The following ANKS3 variants were observed in gnomAD, a reference collection of about 807,000 sequenced individuals.
ANKS3 encodes the protein ankyrin repeat and sterile alpha motif domain containing 3.
A neutral mutation model predicts 80.7 loss-of-function variants in ANKS3; 62 were observed. That is an observed-to-expected ratio of 0.77 (90% CI 0.63 to 0.95). ANKS3 has a LOEUF of 0.95. ANKS3 is among the 40% of genes least tolerant of loss of function. The pLI is 0.00. For missense variants in ANKS3, 1,150 were observed against 883.6 expected (o/e 1.30, Z -3.82); for synonymous variants, 489 against 355.3 (o/e 1.38, Z -4.23).
Position 4,699,100 on chromosome 16 carries a change from C to G in ANKS3, c.1361G>C (p.Arg454Pro), listed in dbSNP as rs138763631. ...GCTCTCAGTGAGGGTCAGAAAGATG[C>G]GGAGGTCCACGTCCTGCTCCTCAAA... Reference protein sequence around the residue: ...QVFEEQDVDLRIFLTLTESDL... With the variant: ...QVFEEQDVDLPIFLTLTESDL... The change falls in exon 12 of 18, where the codon CGC (arginine) becomes CCC (proline). Residue 454 changes from arginine (R) to proline (P), a missense_variant. Coordinates refer to ENST00000304283, the MANE Select transcript of ANKS3 (RefSeq NM_133450.4). 5.0e-6 allele frequency: 8 copies of G among 1,614,134 alleles called. No individual in the cohort carries two copies. The highest frequency in any genetic ancestry group is 6.8e-6 in the Non-Finnish European group (8 of 1,180,042).
chr16:4,719,674 C>T (rs1395651092), intron 6 of ANKS3, among the ~76,000 whole-genome samples: 4 of 151,664 alleles, frequency 2.6e-5, no homozygotes, highest in African/African-American at 9.7e-5. Context: ...TAGTGCGTGC[C>T]TGTAGTCCCA....
intron 11 of ANKS3, chr16:4,699,687 G>GT (rs1310826199): frequency 6.0e-6 from 1 of 167,934 alleles, no homozygotes; most frequent in African/African-American, 2.4e-5. Context: ...GAATGCCACT[G>GT]TATGGGGTGG....
In ANKS3 at chr16:4,703,795, C is replaced by A. The variant is rs558441940; in HGVS notation, c.868+1300G>T. On this transcript the variant is annotated intron_variant, in intron 8 of 17. Transcript: ENST00000304283. Reference sequence around the variant, plus strand: ...CAAGGTATGAGAAAACAAAAATCCCCTGAAATACCACACCTGAGACCACCA... The same window carrying A: ...CAAGGTATGAGAAAACAAAAATCCCATGAAATACCACACCTGAGACCACCA... Among the ~76,000 whole-genome samples, 9 of 152,284 alleles carry A rather than the reference C, an allele frequency of 5.9e-5. No homozygotes were observed. In the South Asian group the frequency reaches 1.9e-3, roughly 32 times the overall value.
intron 2 of ANKS3, among the ~76,000 whole-genome samples, chr16:4,731,192 T>C (rs1329237264): frequency 2.6e-5 from 4 of 152,202 alleles, no homozygotes; most frequent in Non-Finnish European, 4.4e-5. Flanking sequence ...TGGGGGACGA[T>C]AGACCTGTAT....
At chr16:4,713,924 G>C in intron 7 of ANKS3, 127 bp downstream of exon 7, 1 of 1,321,632 alleles carries the variant, frequency 7.6e-7, no homozygotes, top group Non-Finnish European at 1.0e-6. Context: ...AAGCAGCTGG[G>C]GGAGGCAGAG....
At position 4,727,106 on chromosome 16, in the gene ANKS3, T is replaced by C; in HGVS notation, c.242A>G (p.His81Arg). The change falls in exon 4 of 18, where the codon CAC (histidine) becomes CGC (arginine). Residue 81 changes from histidine (H) to arginine (R), a missense_variant. His to Arg is a conservative substitution (Grantham distance 29). Coordinates refer to ENST00000304283, the MANE Select transcript of ANKS3 (RefSeq NM_133450.4). The part of the protein sequence containing the change: ...TPLMYASYIG[H>R]DTIVHLLLEA... The stretch of plus-strand genomic sequence containing the variant: ...AAGCAGCAGGTGCACGATTGTGTCG[T>C]GGCCAATGTAGGAGGCATACATCAG... 7 of 1,614,206 alleles carry C rather than the reference T, an allele frequency of 4.3e-6. No homozygotes were observed. Among genetic ancestry groups the C allele is most frequent in the Non-Finnish European group, 5.9e-6 (7 of 1,180,034 alleles).
In ANKS3 at chr16:4,702,241, C is replaced by T. The variant is rs1460095547; in HGVS notation, c.870G>A (p.Glu290=). Residue 290 remains glutamate, a splice_region_variant and synonymous_variant, in exon 9 of 18, where the codon GAG becomes GAA. Coordinates refer to ENST00000304283, the MANE Select transcript of ANKS3 (RefSeq NM_133450.4). ...LGGRAPRPRY[E]QAPPRGYVTF... Reference sequence around the variant, plus strand: ...TGACATAGCCACGGGGAGGAGCCTGCTCTGTGTACAGAATGGGGCCCATAA... The same window carrying T: ...TGACATAGCCACGGGGAGGAGCCTGTTCTGTGTACAGAATGGGGCCCATAA... The T allele has an allele frequency of 1.3e-6, 2 of 1,567,292 alleles. No homozygotes were observed. The highest frequency in any genetic ancestry group is 2.3e-5 in the South Asian group (2 of 85,982).
rs368187807 is a variant in ANKS3 at position 4,727,218 on chromosome 16, C to T, written c.171-41G>A. The T allele has an allele frequency of 1.1e-4, 169 of 1,601,626 alleles. 3 individuals are homozygous for T. The South Asian group carries it at 1.6e-3, about 15-fold the overall frequency. On this transcript the variant is annotated intron_variant, in intron 3 of 17. Transcript: ENST00000304283. The stretch of plus-strand genomic sequence containing the variant: ...ATATGCTAGACATGGCCAGCCGCCT[C>T]GCATGTGGGGTTCACCAAAGCTGGT...
chr16:4,727,477 G>A (rs1410061948), intron 3 of ANKS3: 2 of 465,850 alleles, frequency 4.3e-6, no homozygotes, highest in Middle Eastern at 6.3e-4. Flanking sequence ...CAGGGAATAT[G>A]TGGCAATGTG....
chr16:4,714,137 A>T lies in ANKS3; in HGVS notation c.623T>A (p.Leu208Gln). 6.2e-7 allele frequency: 1 copy of T among 1,614,136 alleles called. No individual in the cohort carries two copies. ...CTTCATGTGTCCGTACTGCTTGGCC[A>T]GCATCCGGGCTGTGGCTCCACTGTG... is the stretch of plus-strand genomic sequence containing the variant. ...RDHSGATARMLAKQYGHMKIV... is the reference protein window; with the variant it reads ...RDHSGATARMQAKQYGHMKIV... Residue 208 changes from leucine to glutamine, a missense_variant, in exon 7 of 18, where the codon CTG becomes CAG. Leu to Gln is a moderately radical substitution (Grantham distance 113). Coordinates refer to ENST00000304283, the MANE Select transcript of ANKS3 (RefSeq NM_133450.4).
chr16:4,733,202 C>CAAAAAA (rs56944690), intron 1 of ANKS3, among the ~76,000 whole-genome samples: 20 of 70,456 alleles, frequency 2.8e-4, no homozygotes, highest in African/African-American at 4.1e-4. Flanking sequence ...GACTCCGTCT[C>CAAAAAA]AAAAAAAAAA....
At chr16:4,707,698 A>C (rs2080271403) in intron 7 of ANKS3, among the ~76,000 whole-genome samples, 2 of 152,248 alleles carry the variant, frequency 1.3e-5, no homozygotes, top group South Asian at 4.1e-4. Context: ...CTAATAGGTA[A>C]TTTTGTAGAA....
chr16:4,713,472 A>G (rs1485496405), intron 7 of ANKS3, among the ~76,000 whole-genome samples: 1 of 152,198 alleles, frequency 6.6e-6, no homozygotes, highest in Non-Finnish European at 1.5e-5. Context: ...ATATAATGAT[A>G]GGGAAAACCC....
At chr16:4,703,290 T>C (rs1419184647) in intron 8 of ANKS3, among the ~76,000 whole-genome samples, 1 of 152,148 alleles carries the variant, frequency 6.6e-6, no homozygotes, top group Non-Finnish European at 1.5e-5. Context: ...TTTTCAAAAT[T>C]TTTTGTAGAG....
chr16:4,720,165 A>G, intron 6 of ANKS3, among the ~76,000 whole-genome samples: 1 of 147,152 alleles, frequency 6.8e-6, no homozygotes, highest in Non-Finnish European at 1.5e-5. Context: ...CCACCCCAAA[A>G]AAAAAAAAAA....
chr16:4,709,305 C>T (rs1378250398), intron 7 of ANKS3, among the ~76,000 whole-genome samples: 1 of 151,384 alleles, frequency 6.6e-6, no homozygotes, highest in Admixed American at 6.6e-5. Context: ...ACTAGGGAGG[C>T]TGAGGCAGGA....
intron 8 of ANKS3, among the ~76,000 whole-genome samples, chr16:4,703,311 G>A (rs1327761846): frequency 6.6e-6 from 1 of 151,990 alleles, no homozygotes; most frequent in African/African-American, 2.4e-5. Flanking sequence ...ATAGGGTCTT[G>A]CTACATTGCC....
chr16:4,708,587 G>A lies in ANKS3; in HGVS notation c.710-3334C>T, dbSNP rs145754277. ...TCTCATTAATAAATCAAAATCCGAT[G>A]GGTTTTTCTTGTTTTTCCACTAAAC... On this transcript the variant is annotated intron_variant, in intron 7 of 17. Transcript: ENST00000304283. 1.8e-4 allele frequency among the ~76,000 whole-genome samples: 28 copies of A among 152,212 alleles called. No homozygotes were observed. The East Asian group carries it at 4.6e-3, about 25-fold the overall frequency.
chr16:4,701,807 G>A (rs1004253997), intron 9 of ANKS3: 23 of 500,764 alleles, frequency 4.6e-5, no homozygotes, highest in Middle Eastern at 5.6e-4. Flanking sequence ...GCTGCTGCAC[G>A]GAGGTGCAGT....
Sources: gnomAD v4.1 joint callset for allele counts (sites outside exome capture counted in the v4.1 genomes callset) on GRCh38, gnomAD v4.1.1 for gene constraint, MANE v1.5 for transcripts, NCBI Gene and HGNC (gene_info 2026-07-23, HGNC 2026-07-21) for gene names.